The following SAMD5 variants were observed in gnomAD, a reference collection of about 807,000 sequenced individuals.
SAMD5 encodes sterile alpha motif domain-containing protein 5.
In SAMD5, 13 loss-of-function variants were observed where a neutral mutation model predicts 11.3. The ratio of observed to expected loss-of-function variants is 1.15; its 90% CI spans 0.75 to 1.83. The LOEUF is 1.83. SAMD5 is among the 40% of genes most tolerant of loss of function. SAMD5 has a pLI of 0.00. For synonymous variants in SAMD5, 129 were observed against 111.3 expected, an observed-to-expected ratio of 1.16 and a Z score of -1.00; for missense variants, 255 against 239.1, an observed-to-expected ratio of 1.07 and a Z score of -0.44.
intron 1 of SAMD5, among the ~76,000 whole-genome samples, chr6:147,511,521 C>T (rs1020835325): frequency 2.0e-5 from 3 of 152,090 alleles, no homozygotes; most frequent in Admixed American, 2.0e-4. Flanking sequence ...AAGATATGCT[C>T]CTATTCACTT....
the SAMD5 span, among the ~76,000 whole-genome samples, chr6:147,854,894 A>G: frequency 6.6e-6 from 1 of 152,196 alleles, no homozygotes; most frequent in Admixed American, 6.5e-5. Flanking sequence ...AGTAGACACT[A>G]TAGAGAATGT....
At chr6:147,867,165 C>A in the SAMD5 span, among the ~76,000 whole-genome samples, 1 of 152,034 alleles carries the variant, frequency 6.6e-6, no homozygotes, top group African/African-American at 2.4e-5. Context: ...ATATTTCTTC[C>A]CTGTATATAT....
chr6:147,637,217 C>G (rs1010299280), intron 1 of SAMD5, among the ~76,000 whole-genome samples: 1 of 152,140 alleles, frequency 6.6e-6, no homozygotes, highest in Non-Finnish European at 1.5e-5. Context: ...AGAAGAGATC[C>G]CAGGCCACAA....
At chr6:147,769,152 A>T in the SAMD5 span, among the ~76,000 whole-genome samples, 1 of 152,220 alleles carries the variant, frequency 6.6e-6, no homozygotes, top group Non-Finnish European at 1.5e-5. Context: ...CTCCTTGGGA[A>T]GAGGAAGTGA....
chr6:147,810,969 A>T, the SAMD5 span, among the ~76,000 whole-genome samples: 32 of 152,322 alleles, frequency 2.1e-4, no homozygotes, highest in Admixed American at 2.0e-3. Flanking sequence ...AAGTGAGAAC[A>T]TGTTAAGTGC....
intron 1 of SAMD5, among the ~76,000 whole-genome samples, chr6:147,699,987 G>C (rs193070609): frequency 5.3e-5 from 8 of 152,318 alleles, no homozygotes; most frequent in African/African-American, 1.9e-4. Context: ...GAAATAACCA[G>C]CCCTTCCAAG....
chr6:147,920,685 G>A, the SAMD5 span, among the ~76,000 whole-genome samples: 1 of 152,142 alleles, frequency 6.6e-6, no homozygotes, highest in Admixed American at 6.6e-5. Flanking sequence ...ATCCATCCAA[G>A]GAGTTGATGC....
chr6:147,939,965 A>G, the SAMD5 span, among the ~76,000 whole-genome samples: 730 of 152,250 alleles, frequency 4.8e-3, 5 homozygotes, highest in African/African-American at 0.017. Flanking sequence ...ACATGGAAGG[A>G]TTTCCTAGCG....
At chr6:147,697,017 T>C (rs1791185199) in intron 1 of SAMD5, among the ~76,000 whole-genome samples, 2 of 152,208 alleles carry the variant, frequency 1.3e-5, no homozygotes, top group Admixed American at 6.5e-5. Context: ...ATCCCTTATC[T>C]GGTGAGGCCC....
rs142121694 is a variant in SAMD5 at position 147,724,422 on chromosome 6, A to G, written c.163-12895A>G. ...AGTCATCCTAAGAAATTAACCTGTC[A>G]CAAATAAACATATTGGGTCATTTTT... is the stretch of plus-strand genomic sequence containing the variant. On this transcript the variant is annotated intron_variant, in intron 1 of 1. Coordinates refer to the SAMD5 transcript ENST00000566741. 3.1e-3 allele frequency among the ~76,000 whole-genome samples: 467 copies of G among 152,356 alleles called. 2 individuals are homozygous for G. Among genetic ancestry groups the G allele is most frequent in the African/African-American group, 0.011 (447 of 41,580 alleles).
intron 1 of SAMD5, among the ~76,000 whole-genome samples, chr6:147,604,169 T>C (rs533121339): frequency 6.6e-6 from 1 of 151,952 alleles, no homozygotes; most frequent in South Asian, 2.1e-4. Context: ...AAGTGAGTTA[T>C]GCCAGACTGA....
In SAMD5 at chr6:147,576,668, ATTG is replaced by A. The variant is rs921166667; in HGVS notation, c.162+67287_162+67289del. ...AATCCTTCTAGCAACCCAATAAACA[ATTG>A]TTGTTACTGATCCATTTTACAGGTG... On this transcript the variant is annotated intron_variant, in intron 1 of 1. Coordinates refer to the SAMD5 transcript ENST00000566741. 3.3e-5 allele frequency among the ~76,000 whole-genome samples: 5 copies of A among 152,190 alleles called. No individual in the cohort carries two copies. In the South Asian group the frequency reaches 6.2e-4, roughly 19 times the overall value.
the SAMD5 span, among the ~76,000 whole-genome samples, chr6:147,931,047 G>A: frequency 6.6e-6 from 1 of 152,078 alleles, no homozygotes; most frequent in Non-Finnish European, 1.5e-5. Flanking sequence ...ACCATCACAG[G>A]AGTTACCAGT....
intron 1 of SAMD5, among the ~76,000 whole-genome samples, chr6:147,512,890 G>C (rs1257424115): frequency 2.0e-5 from 3 of 152,200 alleles, no homozygotes; most frequent in African/African-American, 2.4e-5. Flanking sequence ...AGAAGTACAT[G>C]ATACCATGAA....
At chr6:147,558,729 G>A (rs566050003) in intron 1 of SAMD5, among the ~76,000 whole-genome samples, 1 of 151,984 alleles carries the variant, frequency 6.6e-6, no homozygotes, top group Non-Finnish European at 1.5e-5. Flanking sequence ...AAATGTGTGG[G>A]CCCACTGACC....
At chr6:147,672,070 G>A (rs933394271) in intron 1 of SAMD5, among the ~76,000 whole-genome samples, 4 of 151,458 alleles carry the variant, frequency 2.6e-5, no homozygotes, top group African/African-American at 9.7e-5. Flanking sequence ...TTCCAACCAG[G>A]AACATGGTTA....
the SAMD5 span, among the ~76,000 whole-genome samples, chr6:147,811,558 C>A: frequency 1.9e-4 from 29 of 152,154 alleles, no homozygotes; most frequent in African/African-American, 6.3e-4. Context: ...AGGAGAGAGG[C>A]TTCCAGGGCA....
chr6:147,726,779 G>A (rs1480198275), intron 1 of SAMD5, among the ~76,000 whole-genome samples: 2 of 152,194 alleles, frequency 1.3e-5, no homozygotes, highest in Non-Finnish European at 2.9e-5. Flanking sequence ...GTCATCATAA[G>A]GATTCCAAGA....
At chr6:147,777,573 G>A in the SAMD5 span, among the ~76,000 whole-genome samples, 1 of 152,144 alleles carries the variant, frequency 6.6e-6, no homozygotes, top group African/African-American at 2.4e-5. Context: ...GTGCAATTCA[G>A]TGGCATTAAG....
Sources: allele counts gnomAD v4.1 joint callset (sites outside exome capture counted in the v4.1 genomes callset), GRCh38; gene constraint gnomAD v4.1.1; transcripts MANE v1.5; gene names NCBI Gene and HGNC (gene_info 2026-07-23, HGNC 2026-07-21).